Variants in SLC38A10 observed in about 807,000 individuals in gnomAD.
SLC38A10 encodes Sodium-coupled neutral amino acid transporter 10.
Under a neutral mutation model 81.0 loss-of-function variants are expected in SLC38A10, and 53 were observed. That is an observed-to-expected ratio of 0.65 (90% CI 0.53 to 0.82). SLC38A10 has a LOEUF of 0.82. Among genes scored for constraint, SLC38A10 ranks in the 40% least tolerant of loss-of-function variants. The pLI, the probability that SLC38A10 is intolerant of heterozygous loss-of-function variation, is 0.00. For missense variants in SLC38A10, 1,471 were observed against 1,545.0 expected (o/e 0.95, Z 0.80); for synonymous variants, 665 against 655.3 (o/e 1.01, Z -0.23).
rs1045342316 is a variant in SLC38A10, at chr17:81,277,713, C to T, written c.627-580G>A. 1.3e-5 allele frequency among the ~76,000 whole-genome samples: 2 copies of T among 152,210 alleles called. No homozygotes were observed. The highest frequency in any genetic ancestry group is 1.3e-4 in the Admixed American group (2 of 15,284). On this transcript the variant is annotated intron_variant, in intron 6 of 15. Coordinates refer to ENST00000374759, the MANE Select transcript of SLC38A10 (RefSeq NM_001037984.3). This position sits in a 1 kb window ranked among gnomAD's most constrained non-coding sequence, Gnocchi z 4.5. ...CTGCTAGGGGTGGGAGGGACCCAAG[C>T]CACCAGCCAGGCAAGGACATGACAG... is the stretch of plus-strand genomic sequence containing the variant.
In SLC38A10 at chr17:81,246,565, A is replaced by C; in HGVS notation, c.2351T>G (p.Val784Gly). 11 of 1,516,630 alleles carry C rather than the reference A, an allele frequency of 7.3e-6. No individual in the cohort carries two copies. Among genetic ancestry groups the C allele is most frequent in the Non-Finnish European group, 9.7e-6 (11 of 1,134,420 alleles). The allele number at this position is 1,516,630 out of a possible 1,614,324, so 93.9% of individuals were successfully genotyped here. A position where few individuals can be genotyped will look rare whatever the true frequency, so the allele number is the denominator to read the frequency against. The change falls in exon 16 of 16, where the codon GTC (valine) becomes GGC (glycine). Residue 784 changes from valine to glycine, a missense_variant. Coordinates refer to ENST00000374759, the MANE Select transcript of SLC38A10 (RefSeq NM_001037984.3). ...ENLPPLPLDP[V>G]LRAPGGRPAP... ...AGGGCGGCCCCCAGGAGCTCTGAGG[A>C]CAGGGTCCAAAGGCAGGGGAGGCAG...
chr17:81,249,582 G>A lies in SLC38A10; in HGVS notation c.2065+1911C>T, dbSNP rs552213139. ...GGGAGGGGGGAAGGAGCCATGCCAC[G>A]TCCAGCCAGAAGCCACGTGGGACAC... On this transcript the variant is annotated intron_variant, in intron 14 of 15. Transcript: ENST00000374759. 1.4e-4 allele frequency among the ~76,000 whole-genome samples: 18 copies of A among 128,804 alleles called. No individual in the cohort carries two copies. In the South Asian group the frequency reaches 3.0e-3, roughly 21 times the overall value. 84.5% of individuals were successfully genotyped at this position (128,804 alleles called of 152,430 possible). A position where few individuals can be genotyped will look rare whatever the true frequency, so the allele number is the denominator to read the frequency against.
In SLC38A10 at chr17:81,276,691, G is replaced by A. The variant is rs1280839670; in HGVS notation, c.729+340C>T. Among the ~76,000 whole-genome samples the A allele has an allele frequency of 6.6e-6, 1 of 152,144 alleles. No homozygotes were observed. The highest frequency in any genetic ancestry group is 2.4e-5 in the African/African-American group (1 of 41,446). On this transcript the variant is annotated intron_variant, in intron 7 of 15. Transcript: ENST00000374759. The surrounding 1 kb of genome is among the most constrained non-coding windows in gnomAD (Gnocchi z 4.7). The stretch of plus-strand genomic sequence containing the variant: ...AGGTGTGAGCAACGGCGCCCGGCCG[G>A]AACATGCCCATTTCTACAGAGAATT...
intron 10 of SLC38A10, among the ~76,000 whole-genome samples, chr17:81,267,662 T>C (rs2063081272): frequency 6.6e-6 from 1 of 152,110 alleles, no homozygotes. Context: ...AGAAACTTCC[T>C]CATCAAGCTA....
At position 81,246,108 on chromosome 17, in the gene SLC38A10, G is replaced by A. The variant is rs1375053161; in HGVS notation, c.2808C>T (p.Gly936=). The change falls in exon 16 of 16, where the codon GGC becomes GGT. Residue 936 remains glycine, a synonymous_variant. Coordinates refer to ENST00000374759, the MANE Select transcript of SLC38A10 (RefSeq NM_001037984.3). ...CCCCACCGGGCAGGTCCGCTGCAAG[G>A]CCCAGGTCTCGGCTCACTTGCTTGG... ...MKPKQVSRDL[G]LAADLPGGAE... is the part of the protein sequence containing the mutation. 3 of 1,608,666 alleles carry A rather than the reference G, an allele frequency of 1.9e-6. No homozygotes were observed. Among genetic ancestry groups the A allele is most frequent in the Non-Finnish European group, 8.5e-7 (1 of 1,179,542 alleles).
In SLC38A10 at chr17:81,245,971, T is replaced by G; in HGVS notation, c.2945A>C (p.His982Pro). The G allele has an allele frequency of 6.2e-7, 1 of 1,604,028 alleles. No individual in the cohort carries two copies. The highest frequency in any genetic ancestry group is 8.5e-7 in the Non-Finnish European group (1 of 1,174,312). ...CCCGCGGGCCTTTCTCATCTCCAGG[T>G]GACCGCCATGGTCCAGCCGGTGGCC... ...QQGHRLDHGG[H>P]LEMRKARGGD... Residue 982 changes from histidine to proline, a missense_variant, in exon 16 of 16, where the codon CAC becomes CCC. His to Pro is a moderately conservative substitution (Grantham distance 77). This residue lies in a region of SLC38A10 where 751 missense variants were observed against 717.4 expected (regional missense o/e 1.05). Coordinates refer to ENST00000374759, the MANE Select transcript of SLC38A10 (RefSeq NM_001037984.3).
intron 14 of SLC38A10, chr17:81,247,671 A>AT (rs1279159415): frequency 4.0e-5 from 6 of 151,440 alleles, no homozygotes; most frequent in African/African-American, 1.5e-4. Context: ...CACAAAAACA[A>AT]AAAAAACAAA....
chr17:81,252,157 G>T, intron 13 of SLC38A10, 38 bp downstream of exon 13: 2 of 1,491,398 alleles, frequency 1.3e-6, no homozygotes, highest in East Asian at 2.3e-5. Context: ...AGCCCAAGAG[G>T]GGAGTGTCTT....
intron 10 of SLC38A10, among the ~76,000 whole-genome samples, chr17:81,261,520 CAGA>C (rs1392170598): frequency 6.6e-6 from 1 of 152,246 alleles, no homozygotes; most frequent in African/African-American, 2.4e-5. Context: ...AAAATCAGTT[CAGA>C]AGAACTGGTG....
intron 8 of SLC38A10, among the ~76,000 whole-genome samples, chr17:81,275,691 C>T (rs1321943884): frequency 1.4e-5 from 2 of 140,408 alleles, no homozygotes; most frequent in East Asian, 2.0e-4. Flanking sequence ...GAGATCGCGC[C>T]ACTGCACTCC....
At chr17:81,251,754 T>A in intron 13 of SLC38A10, 142 bp from the exon 14 acceptor site, 1 of 867,164 alleles carries the variant, frequency 1.2e-6, no homozygotes, top group Admixed American at 3.7e-5. Flanking sequence ...CAGTTTATAT[T>A]CAACCTGATG....
Position 81,283,302 on chromosome 17 carries a change from G to GCTTCTC in SLC38A10, c.357+101_357+106dup, listed in dbSNP as rs1192239749. ...TAGAATGACAGCAGGCTCGACAGAA[G>GCTTCTC]CTTCTCCCGACCAGCACCCAGGTCT... On this transcript the variant is annotated intron_variant, in intron 4 of 15. Transcript: ENST00000374759. The surrounding 1 kb of genome is among the most constrained non-coding windows in gnomAD (Gnocchi z 4.7). 37 of 993,812 alleles carry GCTTCTC rather than the reference G, an allele frequency of 3.7e-5. No homozygotes were observed. Among genetic ancestry groups the GCTTCTC allele is most frequent in the Non-Finnish European group, 5.5e-5 (36 of 655,704 alleles). The allele number at this position is 993,812 out of a possible 1,614,324, so 61.6% of individuals were successfully genotyped here.
chr17:81,274,775 T>G lies in SLC38A10; in HGVS notation c.912+1194A>C, dbSNP rs570744748. On this transcript the variant is annotated intron_variant, in intron 8 of 15. Coordinates refer to ENST00000374759, the MANE Select transcript of SLC38A10 (RefSeq NM_001037984.3). ...AGACAGCGCAGCGGGCCTTTCATGG[T>G]TCACTCTGCCACAAGGAGAGAACCA... Among the ~76,000 whole-genome samples, 11 of 152,226 alleles carry G rather than the reference T, an allele frequency of 7.2e-5. No individual in the cohort carries two copies. In the South Asian group the frequency reaches 2.3e-3, roughly 32 times the overall value.
rs2063215682 is a variant in SLC38A10 at position 81,281,967 on chromosome 17, C to T, written c.501+222G>A. The stretch of plus-strand genomic sequence containing the variant: ...CCCCTGCCCTGAGCCCCAGCCTCTC[C>T]TGCCAGCCAACCGCACCTGGGTCCA... On this transcript the variant is annotated intron_variant, in intron 5 of 15. Coordinates refer to ENST00000374759, the MANE Select transcript of SLC38A10 (RefSeq NM_001037984.3). This position sits in a 1 kb window ranked among gnomAD's most constrained non-coding sequence, Gnocchi z 5.3. Among the ~76,000 whole-genome samples the T allele has an allele frequency of 6.6e-6, 1 of 152,196 alleles. No homozygotes were observed. The highest frequency in any genetic ancestry group is 6.5e-5 in the Admixed American group (1 of 15,280).
chr17:81,276,698 C>A lies in SLC38A10; in HGVS notation c.729+333G>T, dbSNP rs1481245602. ...AGCAACGGCGCCCGGCCGGAACATGCCCATTTCTACAGAGAATTAACAGAG... is the reference window on the plus strand; with the variant it reads ...AGCAACGGCGCCCGGCCGGAACATGACCATTTCTACAGAGAATTAACAGAG... On this transcript the variant is annotated intron_variant, in intron 7 of 15. Coordinates refer to ENST00000374759, the MANE Select transcript of SLC38A10 (RefSeq NM_001037984.3). The surrounding 1 kb of genome is among the most constrained non-coding windows in gnomAD (Gnocchi z 4.7). 6.6e-6 allele frequency among the ~76,000 whole-genome samples: 1 copy of A among 152,128 alleles called. No homozygotes were observed. The highest frequency in any genetic ancestry group is 1.5e-5 in the Non-Finnish European group (1 of 68,018).
In SLC38A10 at chr17:81,253,140, C is replaced by T. The variant is rs749925925; in HGVS notation, c.1389G>A (p.Val463=). The change falls in exon 12 of 16, where the codon GTG becomes GTA. Residue 463 remains valine (V), a synonymous_variant. Coordinates refer to ENST00000374759, the MANE Select transcript of SLC38A10 (RefSeq NM_001037984.3). The surrounding 1 kb of genome is among the most constrained non-coding windows in gnomAD (Gnocchi z 4.1). ...ELEQAQIKGP[V]DVPGREDGKE... ...TGCCATCTTCCCGTCCAGGCACATC[C>T]ACGGGCCCCTTGATCTGGGCCTGCT... 4 of 1,613,956 alleles carry T rather than the reference C, an allele frequency of 2.5e-6. No homozygotes were observed. The African/African-American group carries it at 4.0e-5, about 16-fold the overall frequency.
Position 81,253,145 on chromosome 17 carries a change from G to A in SLC38A10, c.1384C>T (p.Pro462Ser), listed in dbSNP as rs1358417011. The A allele has an allele frequency of 6.2e-7, 1 of 1,613,756 alleles. No individual in the cohort carries two copies. Among genetic ancestry groups the A allele is most frequent in the Non-Finnish European group, 8.5e-7 (1 of 1,180,024 alleles). Residue 462 changes from proline to serine, a missense_variant, in exon 12 of 16, where the codon CCC becomes TCC. Coordinates refer to ENST00000374759, the MANE Select transcript of SLC38A10 (RefSeq NM_001037984.3). The surrounding 1 kb of genome is among the most constrained non-coding windows in gnomAD (Gnocchi z 4.1). ...TCTTCCCGTCCAGGCACATCCACGG[G>A]CCCCTTGATCTGGGCCTGCTCCAGC... ...EELEQAQIKG[P>S]VDVPGREDGK...
Position 81,252,585 on chromosome 17 carries a change from C to A in SLC38A10, c.1555G>T (p.Glu519Ter). The A allele has an allele frequency of 1.2e-6, 2 of 1,613,486 alleles. No individual in the cohort carries two copies. Among genetic ancestry groups the A allele is most frequent in the Non-Finnish European group, 1.7e-6 (2 of 1,180,046 alleles). The part of the protein sequence containing the change: ...DEGQDREVPE[E>*]NKPPSRHAGG... Reference sequence around the variant, plus strand: ...GCGTGTCTGGATGGAGGTTTGTTCTCTTCTGGCACCTCTCGGTCTTGGCCT... The same window carrying A: ...GCGTGTCTGGATGGAGGTTTGTTCTATTCTGGCACCTCTCGGTCTTGGCCT... Residue 519 changes from glutamate (E) to a stop codon, truncating the protein, a stop_gained, in exon 13 of 16, where the codon GAG becomes TAG. Coordinates refer to ENST00000374759, the MANE Select transcript of SLC38A10 (RefSeq NM_001037984.3). LOFTEE classifies it high-confidence loss of function.
At chr17:81,255,284 T>C (rs934562050) in intron 11 of SLC38A10, among the ~76,000 whole-genome samples, 2 of 152,288 alleles carry the variant, frequency 1.3e-5, no homozygotes, top group Non-Finnish European at 2.9e-5. Flanking sequence ...CCCGGCGCTC[T>C]GCAGCTGTCT....
Sources: allele counts gnomAD v4.1 joint callset (sites outside exome capture counted in the v4.1 genomes callset), GRCh38; gene constraint gnomAD v4.1.1; regional missense constraint gnomAD v4.1.1; non-coding constraint Gnocchi (gnomAD v3.1); transcripts MANE v1.5; gene names NCBI Gene and HGNC (gene_info 2026-07-23, HGNC 2026-07-21).